The following ALLC variants were observed in gnomAD, a reference collection of about 807,000 sequenced individuals.
ALLC encodes the protein allantoicase, also known as probable inactive allantoicase.
In ALLC, 40 loss-of-function variants were observed where a neutral mutation model predicts 45.0. That is an observed-to-expected ratio of 0.89 (90% CI 0.69 to 1.16). The LOEUF (loss-of-function observed/expected upper bound fraction) is 1.16, where lower values mean the gene tolerates loss of function less well. ALLC is among the 50% of genes most tolerant of loss of function. The probability of loss-of-function intolerance (pLI) is 0.00; values close to 1 mark genes in which losing one functional copy is unlikely to be tolerated. For synonymous variants in ALLC, 176 were observed against 178.1 expected (o/e 0.99, Z 0.09); for missense variants, 488 against 493.1 (o/e 0.99, Z 0.10).
chr2:3,651,480 A>AGAGCAGGCGG, the ALLC span, among the ~76,000 whole-genome samples: 5 of 148,556 alleles, frequency 3.4e-5, no homozygotes, highest in Non-Finnish European at 7.4e-5. Flanking sequence ...GAAAGGACAA[A>AGAGCAGGCGG]GAGCAGGCGG....
chr2:3,660,373 T>A (rs1160394262), intron 1 of ALLC, among the ~76,000 whole-genome samples: 5 of 152,156 alleles, frequency 3.3e-5, no homozygotes, highest in South Asian at 2.1e-4. Context: ...CCCCTTTTTT[T>A]AATGAATTGT....
At chr2:3,666,999 T>A (rs1666742490) in intron 1 of ALLC, among the ~76,000 whole-genome samples, 1 of 152,180 alleles carries the variant, frequency 6.6e-6, no homozygotes, top group Admixed American at 6.5e-5. Flanking sequence ...AAAGTTTAAA[T>A]GTGTTAAATA....
chr2:3,655,947 CTCCGGTGGGGG>C (rs2147987463), upstream of ALLC, among the ~76,000 whole-genome samples: 1 of 152,034 alleles, frequency 6.6e-6, no homozygotes, highest in African/African-American at 2.4e-5. Context: ...CTGTTGCCCG[CTCCGGTGGGGG>C]ATGTGGGTAG....
At position 3,697,402 on chromosome 2, in the gene ALLC, T is replaced by C. The variant is rs1423831344; in HGVS notation, c.796T>C (p.Leu266=). Residue 266 remains leucine (L), a synonymous_variant, in exon 10 of 12, where the codon TTG becomes CTG. Transcript: ENST00000252505. ...VPGCEWAVFR[L]AHPGVITRIE... is the part of the protein sequence containing the mutation. Reference sequence around the variant, plus strand: ...GGGTTGTGAATGGGCAGTTTTCCGATTGGCACATCCTGGAGTAATAACTCG... The same window carrying C: ...GGGTTGTGAATGGGCAGTTTTCCGACTGGCACATCCTGGAGTAATAACTCG... The C allele has an allele frequency of 4.3e-6, 7 of 1,613,854 alleles. No individual in the cohort carries two copies. Among genetic ancestry groups the C allele is most frequent in the South Asian group, 3.3e-5 (3 of 91,088 alleles).
intron 2 of ALLC, among the ~76,000 whole-genome samples, chr2:3,671,556 G>T (rs979565219): frequency 1.3e-5 from 2 of 150,762 alleles, no homozygotes; most frequent in African/African-American, 2.4e-5. Flanking sequence ...TAGATAGGAG[G>T]TCCTCTGGCT....
the ALLC span, among the ~76,000 whole-genome samples, chr2:3,651,321 GTGT>G: frequency 2.9e-3 from 5 of 1,720 alleles, no homozygotes; most frequent in South Asian, 0.023. Context: ...GGTGGGGGGG[GTGT>G]GTGTGTGTGT....
intron 7 of ALLC, among the ~76,000 whole-genome samples, chr2:3,693,295 T>C (rs1261400315): frequency 2.0e-5 from 3 of 152,206 alleles, no homozygotes; most frequent in Non-Finnish European, 4.4e-5. Flanking sequence ...TGGAACCTTA[T>C]TTTAGATGCA....
intron 1 of ALLC, 148 bp from the exon 2 acceptor site, chr2:3,670,948 G>A: frequency 3.4e-6 from 2 of 583,766 alleles, no homozygotes; most frequent in South Asian, 4.3e-5. Context: ...ATTGAGCAGA[G>A]GGCACCTGTC....
At chr2:3,682,794 G>T in intron 6 of ALLC, 148 bp from the exon 7 acceptor site, 1 of 755,294 alleles carries the variant, frequency 1.3e-6, no homozygotes, top group Non-Finnish European at 2.1e-6. Context: ...CAAGGTGCTG[G>T]GATTACAGGC....
upstream of ALLC, among the ~76,000 whole-genome samples, chr2:3,654,284 C>T (rs958468420): frequency 2.6e-5 from 4 of 152,188 alleles, no homozygotes. Flanking sequence ...GAGGTGTGAG[C>T]GTGAGGAGAG....
At position 3,680,801 on chromosome 2, in the gene ALLC, A is replaced by G. The variant is rs1667157584; in HGVS notation, c.298+807A>G. On this transcript the variant is annotated intron_variant, in intron 5 of 11. Transcript: ENST00000252505. This position sits in a 1 kb window ranked among gnomAD's most constrained non-coding sequence, Gnocchi z 4.0. ...CACAGCCTCTGATTTGTGCGATAAT[A>G]TCAAGGTTGACATGTTCTGGACTAA... is the stretch of plus-strand genomic sequence containing the variant. Among the ~76,000 whole-genome samples the G allele has an allele frequency of 6.6e-6, 1 of 152,128 alleles. No individual in the cohort carries two copies. The highest frequency in any genetic ancestry group is 2.4e-5 in the African/African-American group (1 of 41,420).
chr2:3,688,660 C>A, intron 7 of ALLC: 1 of 168,660 alleles, frequency 5.9e-6, no homozygotes, highest in South Asian at 1.3e-4. Flanking sequence ...CTAAGTGAGC[C>A]TCAGCCTTCT....
rs534526291 is a variant in ALLC at position 3,682,880 on chromosome 2, A to G, written c.379-62A>G. ...CCACACCTTAAGTGCCACAGAGGCAATAGGATGACAGAATTTATTGTTTTC... is the reference window on the plus strand; with the variant it reads ...CCACACCTTAAGTGCCACAGAGGCAGTAGGATGACAGAATTTATTGTTTTC... On this transcript the variant is annotated intron_variant, in intron 6 of 11. Coordinates refer to ENST00000252505, the MANE Select transcript of ALLC (RefSeq NM_018436.4). 1.2e-4 allele frequency: 188 copies of G among 1,566,838 alleles called. 1 individual carries two copies. The highest frequency in any genetic ancestry group is 8.4e-4 in the Middle Eastern group (5 of 5,918).
intron 3 of ALLC, among the ~76,000 whole-genome samples, chr2:3,678,171 G>A (rs78236653): frequency 0.024 from 3,616 of 152,314 alleles, 70 homozygotes; most frequent in South Asian, 0.039. Context: ...TTGCTGTTGG[G>A]AATTGCATTT....
intron 3 of ALLC, among the ~76,000 whole-genome samples, chr2:3,675,583 C>CATAT (rs112480558): frequency 2.9e-4 from 44 of 150,790 alleles, no homozygotes; most frequent in South Asian, 2.1e-3. Context: ...TATACTTGAG[C>CATAT]ATATATATAT....
chr2:3,674,366 C>A (rs766239108), intron 3 of ALLC, among the ~76,000 whole-genome samples: 1 of 152,128 alleles, frequency 6.6e-6, no homozygotes, highest in Non-Finnish European at 1.5e-5. Context: ...TTCTGAGGTC[C>A]TCAAATACTG....
chr2:3,689,200 T>C (rs1055321856), intron 7 of ALLC, among the ~76,000 whole-genome samples: 8 of 150,970 alleles, frequency 5.3e-5, no homozygotes, highest in African/African-American at 1.9e-4. Flanking sequence ...TCTGTATTAT[T>C]TTAGTTGCCA....
chr2:3,689,876 G>C (rs1667425028), intron 7 of ALLC, among the ~76,000 whole-genome samples: 1 of 149,372 alleles, frequency 6.7e-6, no homozygotes, highest in South Asian at 2.1e-4. Context: ...CTTTATATAA[G>C]ACTTGAAAGC....
Position 3,671,732 on chromosome 2 carries a change from T to C in ALLC, c.33+542T>C, listed in dbSNP as rs572896872. Among the ~76,000 whole-genome samples, 141 of 148,522 alleles carry C rather than the reference T, an allele frequency of 9.5e-4. 1 individual carries two copies. Among genetic ancestry groups the C allele is most frequent in the African/African-American group, 3.3e-3 (133 of 39,772 alleles). ...CTGTGGTCCTCTGGCTCTGGTTAGA[T>C]GGGAGGTCCTCTGGCTCTGGTTAGA... On this transcript the variant is annotated intron_variant, in intron 2 of 11. Coordinates refer to ENST00000252505, the MANE Select transcript of ALLC (RefSeq NM_018436.4).
Sources: gnomAD v4.1 joint callset for allele counts (sites outside exome capture counted in the v4.1 genomes callset) on GRCh38, gnomAD v4.1.1 for gene constraint, Gnocchi (gnomAD v3.1) non-coding constraint, MANE v1.5 for transcripts, NCBI Gene and HGNC (gene_info 2026-07-23, HGNC 2026-07-21) for gene names.